Variants in TRHDE observed in about 807,000 individuals in gnomAD.
The protein encoded by TRHDE is thyrotropin-releasing hormone-degrading ectoenzyme.
Under a neutral mutation model 125.7 loss-of-function variants are expected in TRHDE, and 72 were observed. That is an observed-to-expected ratio of 0.57 (90% CI 0.47 to 0.70). TRHDE has a LOEUF of 0.70. Among genes scored for constraint, TRHDE ranks in the 30% least tolerant of loss-of-function variants. TRHDE has a pLI of 0.00. For synonymous variants in TRHDE, 509 were observed against 509.1 expected (o/e 1.00, Z 0.00); for missense variants, 1,110 against 1,327.1 (o/e 0.84, Z 2.54).
chr12:72,101,341 A>G (rs1251759849), intron 1 of TRHDE, among the ~76,000 whole-genome samples: 1 of 152,190 alleles, frequency 6.6e-6, no homozygotes, highest in African/African-American at 2.4e-5. Context: ...TTCTAAGGAG[A>G]ACAGCATGAA....
In TRHDE at chr12:72,664,734, A is replaced by C. The variant is rs935872180; in HGVS notation, c.*1539A>C. ...TCCACCAAATCTTACAAATCATTGA[A>C]AGAAATATATTCTAACAGTACGCAC... On this transcript the variant is annotated 3_prime_UTR_variant, in exon 19 of 19. Coordinates refer to ENST00000261180, the MANE Select transcript of TRHDE (RefSeq NM_013381.3). The C allele has an allele frequency of 6.6e-6, 1 of 152,114 alleles. No individual in the cohort carries two copies. Among genetic ancestry groups the C allele is most frequent in the African/African-American group, 2.4e-5 (1 of 41,448 alleles). The allele number at this position is 152,114 out of a possible 1,614,324, so 9.4% of individuals were successfully genotyped here.
chr12:72,087,294 G>A (rs1874692116), exon 1 of TRHDE: 2 of 152,104 alleles, frequency 1.3e-5, no homozygotes, highest in Admixed American at 6.6e-5. Flanking sequence ...GACCCAAAGA[G>A]CATCAGAAGA....
chr12:72,596,176 C>G (rs1871931021), intron 12 of TRHDE, among the ~76,000 whole-genome samples: 1 of 151,980 alleles, frequency 6.6e-6, no homozygotes, highest in South Asian at 2.1e-4. Context: ...TTCCAGTATG[C>G]AAAATGTAAT....
chr12:72,431,550 T>A (rs1277712799), intron 3 of TRHDE, among the ~76,000 whole-genome samples: 1 of 152,140 alleles, frequency 6.6e-6, no homozygotes, highest in Non-Finnish European at 1.5e-5. Context: ...CTGTCTGCTA[T>A]TTTTCCACTC....
At chr12:72,561,809 C>T (rs548297775) in intron 7 of TRHDE, among the ~76,000 whole-genome samples, 42 of 152,060 alleles carry the variant, frequency 2.8e-4, no homozygotes, top group African/African-American at 7.0e-4. Flanking sequence ...AACACTTTAA[C>T]GCAAAAGCCT....
intron 15 of TRHDE, among the ~76,000 whole-genome samples, 158 bp from the exon 16 acceptor site, chr12:72,652,164 A>C (rs1230673902): frequency 6.6e-6 from 1 of 152,114 alleles, no homozygotes; most frequent in African/African-American, 2.4e-5. Flanking sequence ...AATATTTTTA[A>C]AATATTATTA....
intron 6 of TRHDE, among the ~76,000 whole-genome samples, chr12:72,515,243 C>T (rs1396437794): frequency 7.3e-6 from 1 of 137,864 alleles, no homozygotes; most frequent in Non-Finnish European, 1.5e-5. Flanking sequence ...AACTAGTTTA[C>T]AGTCCCACCA....
At chr12:72,163,839 C>T (rs545756701) in intron 2 of TRHDE, among the ~76,000 whole-genome samples, 37 of 152,278 alleles carry the variant, frequency 2.4e-4, no homozygotes, top group African/African-American at 6.7e-4. Flanking sequence ...CGGCAGAGCG[C>T]GGTGGCTCAT....
Position 72,564,653 on chromosome 12 carries a change from A to ATTTTTTTTTTTT in TRHDE, c.2042+1634_2042+1645dup, listed in dbSNP as rs538823843. 3.4e-3 allele frequency among the ~76,000 whole-genome samples: 182 copies of ATTTTTTTTTTTT among 54,316 alleles called. 40 individuals carry two copies. Among genetic ancestry groups the ATTTTTTTTTTTT allele is most frequent in the Non-Finnish European group, 4.9e-3 (150 of 30,572 alleles). 35.6% of individuals were successfully genotyped at this position (54,316 alleles called of 152,430 possible). A position where few individuals can be genotyped will look rare whatever the true frequency, so the allele number is the denominator to read the frequency against. On this transcript the variant is annotated intron_variant, in intron 9 of 18. Coordinates refer to ENST00000261180, the MANE Select transcript of TRHDE (RefSeq NM_013381.3). ...TGGAATTATAAAATCATGCGTATGA[A>ATTTTTTTTTTTT]TTTTTTTTTTTTTTTTTTTTTTTTT...
intron 2 of TRHDE, among the ~76,000 whole-genome samples, chr12:72,313,984 C>A (rs961742733): frequency 6.6e-6 from 1 of 152,100 alleles, no homozygotes; most frequent in Non-Finnish European, 1.5e-5. Context: ...TCCCACAGGA[C>A]CTGGGAGCAA....
At chr12:72,090,236 T>G (rs1874759120) in intron 1 of TRHDE, among the ~76,000 whole-genome samples, 1 of 152,184 alleles carries the variant, frequency 6.6e-6, no homozygotes, top group Non-Finnish European at 1.5e-5. Context: ...TAATTACTAC[T>G]AACAAAGATG....
At chr12:72,363,705 T>A (rs963174925) in intron 2 of TRHDE, among the ~76,000 whole-genome samples, 7 of 152,036 alleles carry the variant, frequency 4.6e-5, no homozygotes, top group African/African-American at 1.4e-4. Context: ...CTTTGAAAAG[T>A]GGCACAAGAC....
intron 2 of TRHDE, among the ~76,000 whole-genome samples, chr12:72,298,009 T>A (rs1300266198): frequency 6.6e-6 from 1 of 152,126 alleles, no homozygotes; most frequent in Non-Finnish European, 1.5e-5. Context: ...CAAATCTCCA[T>A]CGCCTTGTGA....
chr12:72,436,409 G>C (rs1038800397), intron 3 of TRHDE, among the ~76,000 whole-genome samples: 1 of 151,810 alleles, frequency 6.6e-6, no homozygotes, highest in Non-Finnish European at 1.5e-5. Flanking sequence ...TTTTTAGACT[G>C]ATTTGATTAT....
intron 2 of TRHDE, among the ~76,000 whole-genome samples, chr12:72,148,882 T>C (rs1304600090): frequency 1.3e-5 from 2 of 152,220 alleles, no homozygotes; most frequent in Non-Finnish European, 2.9e-5. Flanking sequence ...AGTATGTCAG[T>C]ATGATTTATA....
intron 2 of TRHDE, among the ~76,000 whole-genome samples, chr12:72,376,689 G>A (rs1871896553): frequency 6.6e-6 from 1 of 151,974 alleles, no homozygotes; most frequent in South Asian, 2.1e-4. Context: ...ACACATTTCT[G>A]TTCTCTCTCT....
chr12:72,640,722 G>C (rs1874022285), intron 15 of TRHDE, among the ~76,000 whole-genome samples: 1 of 152,156 alleles, frequency 6.6e-6, no homozygotes, highest in Non-Finnish European at 1.5e-5. Context: ...GACCGGAGCT[G>C]TTCCTATTTG....
At chr12:72,314,970 ATGTT>A (rs1868728061) in intron 2 of TRHDE, among the ~76,000 whole-genome samples, 1 of 152,246 alleles carries the variant, frequency 6.6e-6, no homozygotes, top group African/African-American at 2.4e-5. Flanking sequence ...AATATAATTC[ATGTT>A]TTAATTGCAA....
rs1417160065 is a variant in TRHDE at position 72,665,798 on chromosome 12, C to T, written c.*2603C>T. ...AATTAGAAAGGACAACATTATTTAT[C>T]ACATTGAGTATTAAACATTTCCAGG... On this transcript the variant is annotated 3_prime_UTR_variant, in exon 19 of 19. Coordinates refer to ENST00000261180, the MANE Select transcript of TRHDE (RefSeq NM_013381.3). 1.3e-5 allele frequency: 2 copies of T among 152,030 alleles called. No homozygotes were observed. The highest frequency in any genetic ancestry group is 4.8e-5 in the African/African-American group (2 of 41,438). The allele number at this position is 152,030 out of a possible 1,614,324, so 9.4% of individuals were successfully genotyped here. A position where few individuals can be genotyped will look rare whatever the true frequency, so the allele number is the denominator to read the frequency against.
Sources: gnomAD v4.1 joint callset for allele counts (sites outside exome capture counted in the v4.1 genomes callset) on GRCh38, gnomAD v4.1.1 for gene constraint, MANE v1.5 for transcripts, NCBI Gene and HGNC (gene_info 2026-07-23, HGNC 2026-07-21) for gene names.